Variants in WWOX observed in about 807,000 individuals in gnomAD.
WWOX encodes the protein WW domain-containing oxidoreductase.
Under a neutral mutation model 46.2 loss-of-function variants are expected in WWOX, and 69 were observed. That is an observed-to-expected ratio of 1.49 (90% CI 1.23 to 1.82). The LOEUF (loss-of-function observed/expected upper bound fraction) is 1.82, where lower values mean the gene tolerates loss of function less well. WWOX is among the 40% of genes most tolerant of loss of function. The pLI is 0.00. For synonymous variants in WWOX, 359 were observed against 202.6 expected (o/e 1.77, Z -6.56); for missense variants, 919 against 542.6 (o/e 1.69, Z -6.89).
intron 8 of WWOX, among the ~76,000 whole-genome samples, chr16:78,453,149 T>C (rs77725738): frequency 0.12 from 18,107 of 151,986 alleles, 1,661 homozygotes; most frequent in African/African-American, 0.25. Flanking sequence ...CTCAGCCCTG[T>C]GTGGTAGCTC....
chr16:78,937,605 A>C, intron 8 of WWOX, among the ~76,000 whole-genome samples: 1 of 121,266 alleles, frequency 8.2e-6, no homozygotes, highest in African/African-American at 3.4e-5. Flanking sequence ...ATAGAGCTTT[A>C]TTTATTTATT....
At chr16:78,815,581 G>A (rs912469779) in intron 8 of WWOX, among the ~76,000 whole-genome samples, 1 of 152,186 alleles carries the variant, frequency 6.6e-6, no homozygotes, top group Non-Finnish European at 1.5e-5. Flanking sequence ...TGCGTAAGCT[G>A]TCCTCCAAAA....
In WWOX at chr16:79,032,048, C is replaced by T. The variant is rs1171924115; in HGVS notation, c.1057-179560C>T. On this transcript the variant is annotated intron_variant, in intron 8 of 8. Transcript: ENST00000566780. ...GGACATTCTACACAGCTCCTGCCTC[C>T]TTCTGTATGTAATATATATATTATA... is the stretch of plus-strand genomic sequence containing the variant. Among the ~76,000 whole-genome samples, 9 of 143,878 alleles carry T rather than the reference C, an allele frequency of 6.3e-5. No homozygotes were observed. In the East Asian group the frequency reaches 1.8e-3, roughly 28 times the overall value. 94.4% of individuals were successfully genotyped at this position (143,878 alleles called of 152,430 possible).
chr16:78,222,032 C>T (rs1215605148), intron 5 of WWOX, among the ~76,000 whole-genome samples: 2 of 152,178 alleles, frequency 1.3e-5, no homozygotes, highest in African/African-American at 4.8e-5. Flanking sequence ...AAGTCAAGGC[C>T]TGTGGGCTCC....
At chr16:78,825,510 G>C (rs1219533950) in intron 8 of WWOX, 4 of 496,040 alleles carry the variant, frequency 8.1e-6, no homozygotes, top group Non-Finnish European at 1.6e-5. Context: ...GAAGAGATTT[G>C]GCTTCCCACA....
chr16:78,661,129 C>T lies in WWOX; in HGVS notation c.1056+228377C>T, dbSNP rs534019123. Among the ~76,000 whole-genome samples the T allele has an allele frequency of 2.5e-3, 379 of 152,278 alleles. 1 individual carries two copies. The highest frequency in any genetic ancestry group is 8.9e-3 in the African/African-American group (369 of 41,560). On this transcript the variant is annotated intron_variant, in intron 8 of 8. Transcript: ENST00000566780. ...AGTGGTGGAACAAAGGCACTGTGTA[C>T]ACCTTTGAAACAATTAACTTCACCA...
At chr16:78,863,524 C>G (rs903167301) in intron 8 of WWOX, among the ~76,000 whole-genome samples, 6 of 152,166 alleles carry the variant, frequency 3.9e-5, no homozygotes, top group African/African-American at 1.4e-4. Context: ...TGTCACAGCT[C>G]AAAACCATCA....
intron 8 of WWOX, among the ~76,000 whole-genome samples, chr16:78,781,831 G>C (rs540433848): frequency 1.2e-4 from 19 of 152,340 alleles, no homozygotes; most frequent in Admixed American, 4.6e-4. Flanking sequence ...AAGTAATGAT[G>C]ACGATGATGG....
chr16:79,092,531 C>G (rs1336228955), intron 8 of WWOX, among the ~76,000 whole-genome samples: 2 of 152,168 alleles, frequency 1.3e-5, no homozygotes, highest in African/African-American at 4.8e-5. Context: ...AAATGGTTCT[C>G]TGAGTTTCAG....
At chr16:78,162,538 A>G (rs1440709685) in intron 4 of WWOX, among the ~76,000 whole-genome samples, 2 of 152,118 alleles carry the variant, frequency 1.3e-5, no homozygotes, top group Non-Finnish European at 2.9e-5. Flanking sequence ...ACACACACAC[A>G]CATACATGTA....
chr16:78,627,482 C>T (rs992395891), intron 8 of WWOX, among the ~76,000 whole-genome samples: 1 of 152,136 alleles, frequency 6.6e-6, no homozygotes, highest in African/African-American at 2.4e-5. Flanking sequence ...ATTCTGTGAT[C>T]CTGTAAGTCT....
At chr16:79,117,694 G>A (rs893749798) in intron 8 of WWOX, among the ~76,000 whole-genome samples, 1 of 152,214 alleles carries the variant, frequency 6.6e-6, no homozygotes, top group African/African-American at 2.4e-5. Flanking sequence ...AGATCTTCTG[G>A]AAAACTTGCT....
intron 8 of WWOX, among the ~76,000 whole-genome samples, chr16:79,005,903 A>T (rs1371481134): frequency 6.6e-6 from 1 of 152,156 alleles, no homozygotes; most frequent in African/African-American, 2.4e-5. Flanking sequence ...TTGCATGAGA[A>T]CAGAAGGCAG....
chr16:78,673,761 A>G (rs555535596), intron 8 of WWOX, among the ~76,000 whole-genome samples: 8 of 152,212 alleles, frequency 5.3e-5, no homozygotes, highest in African/African-American at 1.2e-4. Context: ...TTAATTATCC[A>G]TGTTATTTCA....
chr16:78,395,503 A>G (rs568571312), intron 6 of WWOX, among the ~76,000 whole-genome samples: 1 of 152,182 alleles, frequency 6.6e-6, no homozygotes, highest in South Asian at 2.1e-4. Flanking sequence ...CAGAGCCAGA[A>G]CCTGTCTTGT....
At chr16:79,147,239 C>G (rs1053968731) in intron 8 of WWOX, among the ~76,000 whole-genome samples, 1 of 152,182 alleles carries the variant, frequency 6.6e-6, no homozygotes. Context: ...GCAAACCACA[C>G]CCACCTTCCT....
At chr16:79,030,452 G>A (rs1469769067) in intron 8 of WWOX, among the ~76,000 whole-genome samples, 1 of 152,094 alleles carries the variant, frequency 6.6e-6, no homozygotes, top group African/African-American at 2.4e-5. Flanking sequence ...CTTTTGATCT[G>A]CACGGGCAAT....
chr16:79,046,954 A>G (rs192126887), intron 8 of WWOX, among the ~76,000 whole-genome samples: 16 of 152,298 alleles, frequency 1.1e-4, no homozygotes, highest in Admixed American at 5.9e-4. Context: ...CCTTCCATGT[A>G]AAAGTAACCC....
At chr16:78,713,365 C>T (rs187207768) in intron 8 of WWOX, among the ~76,000 whole-genome samples, 21 of 146,118 alleles carry the variant, frequency 1.4e-4, no homozygotes, top group African/African-American at 3.8e-4. Context: ...ACAACTAGTT[C>T]ATGGTAACAG....
Sources: gnomAD v4.1 joint callset for allele counts (sites outside exome capture counted in the v4.1 genomes callset) on GRCh38, gnomAD v4.1.1 for gene constraint, MANE v1.5 for transcripts, NCBI Gene and HGNC (gene_info 2026-07-23, HGNC 2026-07-21) for gene names.